GPHN: variants seen among roughly 807,000 people sequenced by gnomAD.
GPHN encodes the protein gephyrin.
GPHN carries 17 observed loss-of-function variants against 95.5 expected under a neutral mutation model. The observed-to-expected ratio is 0.18, with a 90% CI of 0.12 to 0.27. GPHN has a LOEUF of 0.27. Among genes scored for constraint, GPHN ranks in the 10% least tolerant of loss-of-function variants. The pLI is 1.00. For missense variants in GPHN, 660 were observed against 978.1 expected (o/e 0.67, Z 4.34); for synonymous variants, 320 against 322.5 (o/e 0.99, Z 0.08).
the GPHN span, among the ~76,000 whole-genome samples, chr14:67,246,340 A>T: frequency 1.3e-5 from 2 of 150,592 alleles, no homozygotes; most frequent in African/African-American, 4.9e-5. Flanking sequence ...TGTTGCCCAG[A>T]CTGTATTATT....
intron 1 of GPHN, among the ~76,000 whole-genome samples, chr14:66,664,989 C>CAAAAAAA (rs937401198): frequency 1.8e-5 from 1 of 54,900 alleles, no homozygotes; most frequent in Non-Finnish European, 3.9e-5. Flanking sequence ...GCCTACCAAC[C>CAAAAAAA]AAAAAAAAAA....
intron 16 of GPHN, among the ~76,000 whole-genome samples, chr14:67,117,438 C>G (rs2078754596): frequency 6.6e-6 from 1 of 152,094 alleles, no homozygotes; most frequent in African/African-American, 2.4e-5. Context: ...GGAGATAGTG[C>G]AAGTTTATTA....
the GPHN span, among the ~76,000 whole-genome samples, chr14:67,246,355 A>C: frequency 6.7e-6 from 1 of 149,518 alleles, no homozygotes; most frequent in Non-Finnish European, 1.5e-5. Flanking sequence ...ATTATTTAAA[A>C]ATTTTTTGAG....
At chr14:67,663,099 CG>C in the GPHN span, 2 of 1,507,410 alleles carry the variant, frequency 1.3e-6, no homozygotes, top group Admixed American at 4.4e-5. Context: ...ATGACTTGAA[CG>C]ATGAGAACGT....
At chr14:66,924,940 G>T (rs927175985) in intron 8 of GPHN, among the ~76,000 whole-genome samples, 2 of 150,898 alleles carry the variant, frequency 1.3e-5, no homozygotes, top group Non-Finnish European at 3.0e-5. Context: ...TTAGACATTG[G>T]ATGAAAAAAA....
chr14:67,558,055 T>G, the GPHN span, among the ~76,000 whole-genome samples: 1 of 152,232 alleles, frequency 6.6e-6, no homozygotes, highest in Admixed American at 6.5e-5. Context: ...GAGAGGCCAC[T>G]GCCCAGCATT....
At chr14:67,667,654 G>A in the GPHN span, among the ~76,000 whole-genome samples, 1 of 152,166 alleles carries the variant, frequency 6.6e-6, no homozygotes, top group Non-Finnish European at 1.5e-5. Flanking sequence ...GAAAATATGA[G>A]GAGTTAGAGG....
chr14:66,708,996 A>G (rs998505823), intron 2 of GPHN, among the ~76,000 whole-genome samples: 2 of 152,154 alleles, frequency 1.3e-5, no homozygotes, highest in Admixed American at 6.6e-5. Flanking sequence ...CAGTCTGGGT[A>G]TTTAGAAAAA....
At chr14:66,786,294 T>A (rs1446827635) in intron 3 of GPHN, among the ~76,000 whole-genome samples, 2 of 152,082 alleles carry the variant, frequency 1.3e-5, no homozygotes, top group African/African-American at 4.8e-5. Flanking sequence ...TTAGTAGAAA[T>A]GGACCAATTC....
At chr14:67,410,273 C>T in the GPHN span, among the ~76,000 whole-genome samples, 2 of 152,106 alleles carry the variant, frequency 1.3e-5, no homozygotes, top group Non-Finnish European at 2.9e-5. Flanking sequence ...GCCTCCAAAA[C>T]TCCCAAAGCT....
At chr14:67,707,688 T>C in the GPHN span, among the ~76,000 whole-genome samples, 255 of 152,354 alleles carry the variant, frequency 1.7e-3, 14 homozygotes, top group South Asian at 0.052. Flanking sequence ...TTGGCTTTGA[T>C]GAAACTGTGT....
intron 9 of GPHN, among the ~76,000 whole-genome samples, chr14:66,970,833 A>G (rs2069708767): frequency 6.6e-6 from 1 of 152,226 alleles, no homozygotes; most frequent in South Asian, 2.1e-4. Flanking sequence ...TGAGATCAAA[A>G]ATACATTCTC....
intron 1 of GPHN, among the ~76,000 whole-genome samples, chr14:66,520,827 A>G (rs926607233): frequency 6.6e-6 from 1 of 151,942 alleles, no homozygotes; most frequent in African/African-American, 2.4e-5. Context: ...CCTGGTACCC[A>G]ATAGTTATTT....
chr14:67,207,799 T>C, the GPHN span, among the ~76,000 whole-genome samples: 1 of 152,168 alleles, frequency 6.6e-6, no homozygotes, highest in Non-Finnish European at 1.5e-5. Flanking sequence ...ATTTCTTTTA[T>C]ATTATGAGCC....
the GPHN span, chr14:67,572,052 G>A: frequency 6.6e-7 from 1 of 1,507,234 alleles, no homozygotes; most frequent in Non-Finnish European, 8.9e-7. Context: ...GTCCCGGGTG[G>A]GTGGTCAAGT....
chr14:67,352,361 C>T, the GPHN span, among the ~76,000 whole-genome samples: 8 of 150,492 alleles, frequency 5.3e-5, no homozygotes, highest in Non-Finnish European at 7.4e-5. Context: ...GTCACAGCTA[C>T]TCGAGAGGCT....
At chr14:67,235,248 T>G in the GPHN span, among the ~76,000 whole-genome samples, 1 of 152,298 alleles carries the variant, frequency 6.6e-6, no homozygotes, top group Non-Finnish European at 1.5e-5. Flanking sequence ...ACTGAAATTT[T>G]TCACACAAAA....
chr14:66,683,388 A>ATATG (rs1241102137), intron 2 of GPHN, among the ~76,000 whole-genome samples: 63 of 122,378 alleles, frequency 5.1e-4, no homozygotes, highest in Non-Finnish European at 7.7e-4. Context: ...ATGTTCATAT[A>ATATG]TATATGTTCA....
chr14:67,502,385 A>G, the GPHN span, among the ~76,000 whole-genome samples: 1 of 151,714 alleles, frequency 6.6e-6, no homozygotes, highest in Non-Finnish European at 1.5e-5. Flanking sequence ...TAGGACCCAA[A>G]CTTTTGTTAT....
Sources: gnomAD v4.1 joint callset for allele counts (sites outside exome capture counted in the v4.1 genomes callset) on GRCh38, gnomAD v4.1.1 for gene constraint, MANE v1.5 for transcripts, NCBI Gene and HGNC (gene_info 2026-07-23, HGNC 2026-07-21) for gene names.